The following GRIA4 variants were observed in gnomAD, a reference collection of about 807,000 sequenced individuals.
GRIA4 encodes the protein glutamate ionotropic receptor AMPA type subunit 4.
Under a neutral mutation model 104.0 loss-of-function variants are expected in GRIA4, and 34 were observed. That is an observed-to-expected ratio of 0.33 (90% CI 0.25 to 0.44). GRIA4 has a LOEUF of 0.44. GRIA4 is among the 20% of genes least tolerant of loss of function. The probability of loss-of-function intolerance (pLI) is 1.00; values close to 1 mark genes in which losing one functional copy is unlikely to be tolerated. For synonymous variants in GRIA4, 386 were observed against 381.9 expected (o/e 1.01, Z -0.13); for missense variants, 750 against 1,096.5 (o/e 0.68, Z 4.46).
At chr11:105,671,415 A>G (rs1329116879) in intron 3 of GRIA4, among the ~76,000 whole-genome samples, 1 of 151,950 alleles carries the variant, frequency 6.6e-6, no homozygotes, top group African/African-American at 2.4e-5. Flanking sequence ...GGTGGCTCAC[A>G]CCTGTAATCC....
At chr11:105,700,605 T>C (rs1382861424) in intron 3 of GRIA4, among the ~76,000 whole-genome samples, 1 of 152,194 alleles carries the variant, frequency 6.6e-6, no homozygotes, top group African/African-American at 2.4e-5. Flanking sequence ...ATACTGATGA[T>C]AGCTTCCATT....
intron 10 of GRIA4, chr11:105,911,937 C>A (rs867607081): frequency 6.5e-7 from 1 of 1,549,936 alleles, no homozygotes; most frequent in Non-Finnish European, 8.8e-7. Context: ...CCGCGCTGTT[C>A]GACCATTCCT....
chr11:105,923,256 C>A (rs1947617117), intron 11 of GRIA4, among the ~76,000 whole-genome samples: 1 of 152,124 alleles, frequency 6.6e-6, no homozygotes, highest in Non-Finnish European at 1.5e-5. Context: ...ATTTGTAGAT[C>A]ATGCGACAGT....
At chr11:105,852,146 G>C (rs73540977) in intron 4 of GRIA4, among the ~76,000 whole-genome samples, 1,631 of 152,252 alleles carry the variant, frequency 0.011, 41 homozygotes, top group African/African-American at 0.037. Context: ...TTAGGTTTCT[G>C]ACTAAAGTGA....
intron 11 of GRIA4, among the ~76,000 whole-genome samples, chr11:105,920,294 A>T (rs904482711): frequency 3.3e-5 from 5 of 152,200 alleles, no homozygotes; most frequent in African/African-American, 1.2e-4. Flanking sequence ...TTAAATTCCA[A>T]AGGAAAAGGG....
chr11:105,850,256 T>C (rs963172068), intron 4 of GRIA4, among the ~76,000 whole-genome samples: 3 of 152,230 alleles, frequency 2.0e-5, no homozygotes, highest in African/African-American at 7.2e-5. Flanking sequence ...TTTTTTTGCA[T>C]TCATTATAAT....
chr11:105,869,715 G>A (rs1184549649), intron 5 of GRIA4, among the ~76,000 whole-genome samples: 3 of 152,022 alleles, frequency 2.0e-5, no homozygotes, highest in Non-Finnish European at 2.9e-5. Context: ...AAACAGTTCA[G>A]TAATAAAGTG....
intron 4 of GRIA4, among the ~76,000 whole-genome samples, chr11:105,851,721 C>T (rs112034747): frequency 4.2e-3 from 634 of 152,230 alleles, no homozygotes; most frequent in Middle Eastern, 0.01. Context: ...AGTTGAGTGG[C>T]GCATACCTAA....
chr11:105,760,753 T>C (rs1940588043), intron 4 of GRIA4, among the ~76,000 whole-genome samples: 1 of 152,094 alleles, frequency 6.6e-6, no homozygotes, highest in African/African-American at 2.4e-5. Context: ...CTTTCTATCA[T>C]GTTTGTTAAG....
chr11:105,906,917 T>C (rs475869), intron 9 of GRIA4, among the ~76,000 whole-genome samples: 1 of 152,186 alleles, frequency 6.6e-6, no homozygotes, highest in African/African-American at 2.4e-5. Context: ...AGGTGGACAA[T>C]GCTAAATGCT....
At chr11:105,730,414 G>A (rs144278779) in intron 3 of GRIA4, among the ~76,000 whole-genome samples, 136 of 152,208 alleles carry the variant, frequency 8.9e-4, no homozygotes, top group Middle Eastern at 3.4e-3. Context: ...CCATGCTCAT[G>A]GATAGAAGAA....
At chr11:105,921,306 GGTGT>G (rs5794436) in intron 11 of GRIA4, among the ~76,000 whole-genome samples, 6,420 of 138,754 alleles carry the variant, frequency 0.046, 157 homozygotes, top group Middle Eastern at 0.15. Context: ...ACCACACTTG[GGTGT>G]GTGTGTGTGT....
chr11:105,731,878 G>A (rs1456387327), intron 3 of GRIA4, among the ~76,000 whole-genome samples: 1 of 151,984 alleles, frequency 6.6e-6, no homozygotes, highest in Non-Finnish European at 1.5e-5. Context: ...GGCCTGTCGG[G>A]GGGTGGGGGA....
chr11:105,816,107 G>A (rs2135886746), intron 4 of GRIA4, among the ~76,000 whole-genome samples: 1 of 152,200 alleles, frequency 6.6e-6, no homozygotes, highest in South Asian at 2.1e-4. Context: ...CCAGATCTCT[G>A]CCCACACGTC....
intron 14 of GRIA4, among the ~76,000 whole-genome samples, chr11:105,951,449 T>TG (rs1256410740): frequency 6.6e-5 from 10 of 152,210 alleles, no homozygotes; most frequent in African/African-American, 2.4e-4. Context: ...TAGCTAGGCA[T>TG]GGTCTCATTT....
chr11:105,966,427 C>T (rs1160458482), intron 14 of GRIA4, among the ~76,000 whole-genome samples: 1 of 151,980 alleles, frequency 6.6e-6, no homozygotes, highest in African/African-American at 2.4e-5. Context: ...TTTTTTTTCA[C>T]CATTACTTTA....
intron 4 of GRIA4, among the ~76,000 whole-genome samples, chr11:105,795,792 T>C (rs1942455923): frequency 6.6e-6 from 1 of 152,186 alleles, no homozygotes; most frequent in African/African-American, 2.4e-5. Flanking sequence ...ATGCTTATTA[T>C]GCATTTATAT....
chr11:105,781,864 G>A lies in GRIA4; in HGVS notation c.487+28644G>A, dbSNP rs117959021. Reference sequence around the variant, plus strand: ...AAAAAGAGGCATTTATTTCTTCACTGCAGATTTGTTTATTTTACAATTAAC... The same window carrying A: ...AAAAAGAGGCATTTATTTCTTCACTACAGATTTGTTTATTTTACAATTAAC... On this transcript the variant is annotated intron_variant, in intron 4 of 16. Transcript: ENST00000282499. 4.4e-4 allele frequency among the ~76,000 whole-genome samples: 67 copies of A among 152,248 alleles called. 1 individual carries two copies. The highest frequency in any genetic ancestry group is 6.6e-4 in the Non-Finnish European group (45 of 68,018).
At chr11:105,709,429 C>A (rs1195422454) in intron 3 of GRIA4, among the ~76,000 whole-genome samples, 1 of 152,006 alleles carries the variant, frequency 6.6e-6, no homozygotes, top group Non-Finnish European at 1.5e-5. Context: ...TCAATGGATG[C>A]TAAAATTAAT....
Sources: gnomAD v4.1 joint callset for allele counts (sites outside exome capture counted in the v4.1 genomes callset) on GRCh38, gnomAD v4.1.1 for gene constraint, MANE v1.5 for transcripts, NCBI Gene and HGNC (gene_info 2026-07-23, HGNC 2026-07-21) for gene names.